C10orf71: variants seen among roughly 807,000 people sequenced by gnomAD.
The protein encoded by C10orf71 is cardiac-enriched FHL2-interacting protein.
For synonymous variants in C10orf71, 758 were observed against 726.3 expected (o/e 1.04, Z -0.70); for missense variants, 1,869 against 1,804.5 (o/e 1.04, Z -0.65).
In C10orf71 at chr10:49,323,072, T is replaced by C; in HGVS notation, c.527T>C (p.Phe176Ser). ...CCGGCTCTGAAAAATCCTCCCAAAT[T>C]CGCTCCTCTTCCAGAAAACAGTGTC... ...KPPALKNPPK[F>S]APLPENSVNF... Residue 176 changes from phenylalanine to serine, a missense_variant, in exon 3 of 3, where the codon TTC becomes TCC. Transcript: ENST00000374144. The C allele has an allele frequency of 6.2e-7, 1 of 1,613,934 alleles. No homozygotes were observed. The highest frequency in any genetic ancestry group is 8.5e-7 in the Non-Finnish European group (1 of 1,179,874).
intron 1 of C10orf71, among the ~76,000 whole-genome samples, chr10:49,303,729 T>G (rs1473956951): frequency 2.6e-5 from 4 of 152,220 alleles, no homozygotes; most frequent in African/African-American, 4.8e-5. Flanking sequence ...ATCTTTCAGC[T>G]TTAAATTTGA....
rs562971627 is a variant in C10orf71 at position 49,316,963 on chromosome 10, C to T, written c.-145+716C>T. On this transcript the variant is annotated intron_variant, in intron 2 of 2. Coordinates refer to ENST00000374144, the MANE Select transcript of C10orf71 (RefSeq NM_001135196.2). ...AACAAATAGTGAATACCTACTAATA[C>T]GAGGGTGTGTTTAATTGGGTAGAGA... 1.4e-4 allele frequency among the ~76,000 whole-genome samples: 21 copies of T among 152,268 alleles called. No individual in the cohort carries two copies. In the South Asian group the frequency reaches 2.1e-3, roughly 15 times the overall value.
rs957983217 is a variant in C10orf71, at chr10:49,309,319, T to C, written c.-247-6826T>C. On this transcript the variant is annotated intron_variant, in intron 1 of 2. Transcript: ENST00000374144. ...GTCCCCTGTGATAGGATCAGTGCCC[T>C]TATAAGAAGAGACACAAAAGGGCTT... Among the ~76,000 whole-genome samples the C allele has an allele frequency of 2.6e-5, 4 of 152,122 alleles. No homozygotes were observed. The East Asian group carries it at 5.8e-4, about 22-fold the overall frequency.
rs1464138606 is a variant in C10orf71 at position 49,326,776 on chromosome 10, G to A, written c.4231G>A (p.Glu1411Lys). 1.3e-6 allele frequency: 2 copies of A among 1,550,924 alleles called. No individual in the cohort carries two copies. Among genetic ancestry groups the A allele is most frequent in the Non-Finnish European group, 1.7e-6 (2 of 1,147,020 alleles). The change falls in exon 3 of 3, where the codon GAG becomes AAG. Residue 1411 changes from glutamate to lysine, a missense_variant. Physicochemically the swap from Glu to Lys is moderately conservative, Grantham distance 56 (BLOSUM62 1). Coordinates refer to ENST00000374144, the MANE Select transcript of C10orf71 (RefSeq NM_001135196.2). The part of the protein sequence containing the change: ...PHGPPQSPGE[E>K]GVEAPGLGII... ...TGGTCCTCCCCAGAGCCCAGGAGAG[G>A]AGGGTGTAGAAGCTCCAGGCCTGGG...
In C10orf71 at chr10:49,324,929, GC is replaced by G; in HGVS notation, c.2386del (p.Gln796ArgfsTer72). 6.4e-7 allele frequency: 1 copy of G among 1,550,870 alleles called. No individual in the cohort carries two copies. Among genetic ancestry groups the G allele is most frequent in the Non-Finnish European group, 8.7e-7 (1 of 1,146,334 alleles). ...SNGHACLENR[S>X]QGEALQRERE... ...GGGCACGCATGCCTGGAAAACCGCAGCCAGGGGGAAGCATTGCAAAGAGAAA... is the reference window on the plus strand; with the variant it reads ...GGGCACGCATGCCTGGAAAACCGCAGCAGGGGGAAGCATTGCAAAGAGAAA... On this transcript the variant is annotated frameshift_variant, in exon 3 of 3. Transcript: ENST00000374144. LOFTEE classifies it low-confidence loss of function (END_TRUNC).
chr10:49,303,406 A>G lies in C10orf71; in HGVS notation c.-248+4173A>G, dbSNP rs573188743. 2.6e-5 allele frequency among the ~76,000 whole-genome samples: 4 copies of G among 152,318 alleles called. No individual in the cohort carries two copies. In the East Asian group the frequency reaches 7.7e-4, roughly 29 times the overall value. ...CAGCCACTGACAAGCATCAGACCCGAGTGGCCCAAGAGACTATGACTTGTT... is the reference window on the plus strand; with the variant it reads ...CAGCCACTGACAAGCATCAGACCCGGGTGGCCCAAGAGACTATGACTTGTT... On this transcript the variant is annotated intron_variant, in intron 1 of 2. Transcript: ENST00000374144.
intron 1 of C10orf71, among the ~76,000 whole-genome samples, chr10:49,304,201 C>T (rs1848774781): frequency 6.6e-6 from 1 of 152,228 alleles, no homozygotes; most frequent in African/African-American, 2.4e-5. Context: ...GGTTGCTACC[C>T]ACTCCTCGCC....
chr10:49,315,600 G>T (rs1848987406), intron 1 of C10orf71, among the ~76,000 whole-genome samples: 1 of 152,178 alleles, frequency 6.6e-6, no homozygotes, highest in Non-Finnish European at 1.5e-5. Context: ...CTTAAAAGAG[G>T]TTTCTAAAAA....
At chr10:49,322,276 T>C (rs1436480930) in intron 2 of C10orf71, 126 bp from the exon 3 acceptor site, 4 of 391,508 alleles carry the variant, frequency 1.0e-5, no homozygotes, top group African/African-American at 6.2e-5. Context: ...TCTATACATA[T>C]AGCAAGCTTG....
rs1369504527 is a variant in C10orf71, at chr10:49,324,283, C to T, written c.1738C>T (p.Pro580Ser). ...INPQKDPTADPSEPSADSYLT... is the reference protein window; with the variant it reads ...INPQKDPTADSSEPSADSYLT... The stretch of plus-strand genomic sequence containing the variant: ...TCCCCAGAAGGACCCTACAGCTGAC[C>T]CCAGTGAGCCCTCTGCAGACAGCTA... Residue 580 changes from proline (P) to serine (S), a missense_variant, in exon 3 of 3, where the codon CCC (proline) becomes TCC (serine). By Grantham distance (74) the Pro-to-Ser change is moderately conservative (BLOSUM62 -1). Transcript: ENST00000374144. The T allele has an allele frequency of 1.2e-6, 2 of 1,613,776 alleles. No homozygotes were observed. Among genetic ancestry groups the T allele is most frequent in the East Asian group, 2.2e-5 (1 of 44,882 alleles).
At position 49,323,190 on chromosome 10, in the gene C10orf71, G is replaced by C. The variant is rs368177954; in HGVS notation, c.645G>C (p.Lys215Asn). The change falls in exon 3 of 3, where the codon AAG becomes AAC. Residue 215 changes from lysine to asparagine, a missense_variant. Physicochemically the swap from Lys to Asn is moderately conservative, Grantham distance 94 (BLOSUM62 0). Transcript: ENST00000374144. ...THQNSYQPGRKHGEQESSKNP... is the reference protein window; with the variant it reads ...THQNSYQPGRNHGEQESSKNP... ...AGAACAGCTACCAGCCAGGCAGGAA[G>C]CACGGAGAACAGGAGTCCTCCAAGA... is the stretch of plus-strand genomic sequence containing the variant. The C allele has an allele frequency of 1.2e-6, 2 of 1,614,004 alleles. No homozygotes were observed. Among genetic ancestry groups the C allele is most frequent in the Non-Finnish European group, 1.7e-6 (2 of 1,179,902 alleles).
intron 1 of C10orf71, among the ~76,000 whole-genome samples, chr10:49,306,265 G>A (rs543375867): frequency 2.6e-5 from 4 of 152,352 alleles, no homozygotes; most frequent in South Asian, 4.1e-4. Flanking sequence ...CACAGGGACC[G>A]ATTCCATGAA....
chr10:49,326,359 G>A lies in C10orf71; in HGVS notation c.3814G>A (p.Ala1272Thr), dbSNP rs1472853354. Residue 1272 changes from alanine (A) to threonine (T), a missense_variant, in exon 3 of 3, where the codon GCC becomes ACC. Coordinates refer to ENST00000374144, the MANE Select transcript of C10orf71 (RefSeq NM_001135196.2). The stretch of plus-strand genomic sequence containing the variant: ...CCTCACACCCCTGCCCGCGTACCCC[G>A]CCACCCAGAAGGTCCTCCAGGATCC... The part of the protein sequence containing the change: ...QSLTPLPAYP[A>T]TQKVLQDPQS... The A allele has an allele frequency of 1.3e-6, 2 of 1,550,248 alleles. No individual in the cohort carries two copies. Among genetic ancestry groups the A allele is most frequent in the Middle Eastern group, 1.7e-4 (1 of 6,014 alleles).
At position 49,322,620 on chromosome 10, in the gene C10orf71, A is replaced by G; in HGVS notation, c.75A>G (p.Ala25=). The change falls in exon 3 of 3, where the codon GCA becomes GCG. Residue 25 remains alanine, a synonymous_variant. Transcript: ENST00000374144. The part of the protein sequence containing the change: ...SSSIGSVLDD[A]DREVSSLTDR... Reference sequence around the variant, plus strand: ...GCATCGGCAGCGTGTTGGATGATGCAGACAGGGAGGTGAGCAGCCTAACAG... The same window carrying G: ...GCATCGGCAGCGTGTTGGATGATGCGGACAGGGAGGTGAGCAGCCTAACAG... The G allele has an allele frequency of 1.2e-6, 2 of 1,613,262 alleles. No homozygotes were observed. Among genetic ancestry groups the G allele is most frequent in the South Asian group, 1.1e-5 (1 of 90,882 alleles).
At chr10:49,319,733 T>TATACATAC (rs1491522089) in intron 2 of C10orf71, among the ~76,000 whole-genome samples, 6 of 84,996 alleles carry the variant, frequency 7.1e-5, no homozygotes, top group South Asian at 8.3e-4. Flanking sequence ...TATATATATA[T>TATACATAC]ACACATACAT....
intron 1 of C10orf71, among the ~76,000 whole-genome samples, chr10:49,307,648 C>T (rs1170075100): frequency 6.6e-6 from 1 of 152,102 alleles, no homozygotes; most frequent in Non-Finnish European, 1.5e-5. Context: ...ACACCTCGTC[C>T]CAACTCTGCC....
In C10orf71 at chr10:49,326,749, C is replaced by T; in HGVS notation, c.4204C>T (p.His1402Tyr). The change falls in exon 3 of 3, where the codon CAT (histidine) becomes TAT (tyrosine). Residue 1402 changes from histidine (H) to tyrosine (Y), a missense_variant. Physicochemically the swap from His to Tyr is moderately conservative, Grantham distance 83. Transcript: ENST00000374144. ...CCCGCACTCTGCAGGCCAGCGCCCT[C>T]ATGGTCCTCCCCAGAGCCCAGGAGA... is the stretch of plus-strand genomic sequence containing the variant. ...CTPHSAGQRP[H>Y]GPPQSPGEEG... 10 of 1,551,136 alleles carry T rather than the reference C, an allele frequency of 6.4e-6. No individual in the cohort carries two copies. The highest frequency in any genetic ancestry group is 6.1e-6 in the Non-Finnish European group (7 of 1,146,942).
chr10:49,299,815 G>T (rs1049097065), intron 1 of C10orf71, among the ~76,000 whole-genome samples: 1 of 152,220 alleles, frequency 6.6e-6, no homozygotes, highest in Non-Finnish European at 1.5e-5. Flanking sequence ...GGCTGAGGGA[G>T]GCTGGCTTTC....
intron 1 of C10orf71, among the ~76,000 whole-genome samples, chr10:49,303,315 G>A (rs916252570): frequency 1.9e-4 from 29 of 152,306 alleles, no homozygotes; most frequent in African/African-American, 6.0e-4. Context: ...GGTCAAGCCT[G>A]AGTGGGAAAA....
Sources: allele counts gnomAD v4.1 joint callset (sites outside exome capture counted in the v4.1 genomes callset), GRCh38; gene constraint gnomAD v4.1.1; transcripts MANE v1.5; gene names NCBI Gene and HGNC (gene_info 2026-07-23, HGNC 2026-07-21).